The following DCC variants were observed in gnomAD, a reference collection of about 807,000 sequenced individuals.
DCC encodes the protein netrin receptor DCC.
In DCC, 58 loss-of-function variants were observed where a neutral mutation model predicts 172.5. The observed-to-expected ratio is 0.34, with a 90% CI of 0.27 to 0.42. The LOEUF is 0.42. Ranked by LOEUF, DCC falls within the 10% of genes least tolerant of loss-of-function variation. The pLI is 1.00. For synonymous variants in DCC, 709 were observed against 644.5 expected, an observed-to-expected ratio of 1.10 and a Z score of -1.52; for missense variants, 1,740 against 1,791.0, an observed-to-expected ratio of 0.97 and a Z score of 0.51.
At chr18:52,620,652 A>AAATTACTTTT (rs760230078) in intron 1 of DCC, among the ~76,000 whole-genome samples, 6,059 of 152,266 alleles carry the variant, frequency 0.04, 152 homozygotes, top group Non-Finnish European at 0.053. Context: ...CTTTTTAGTT[A>AAATTACTTTT]TAGCAAATGT....
intron 1 of DCC, among the ~76,000 whole-genome samples, chr18:52,538,996 A>G (rs1179185906): frequency 1.3e-5 from 2 of 152,200 alleles, no homozygotes; most frequent in Non-Finnish European, 2.9e-5. Flanking sequence ...GTGAGTAAAA[A>G]TAATAAAATT....
At chr18:52,534,120 A>G in intron 1 of DCC, among the ~76,000 whole-genome samples, 1 of 152,116 alleles carries the variant, frequency 6.6e-6, no homozygotes, top group Non-Finnish European at 1.5e-5. Context: ...ATGGAAAAAT[A>G]TGTTTAGTAG....
chr18:53,231,027 T>G (rs2056114293), intron 12 of DCC, among the ~76,000 whole-genome samples: 1 of 152,050 alleles, frequency 6.6e-6, no homozygotes. Flanking sequence ...GAATGTAGTT[T>G]TGATCTTAGA....
At chr18:52,850,363 A>G (rs751611999) in intron 2 of DCC, among the ~76,000 whole-genome samples, 3 of 152,160 alleles carry the variant, frequency 2.0e-5, no homozygotes, top group Non-Finnish European at 4.4e-5. Flanking sequence ...TCTCAGAAAT[A>G]TATGCATTGA....
At chr18:53,160,548 A>C (rs1418600116) in intron 8 of DCC, among the ~76,000 whole-genome samples, 1 of 151,882 alleles carries the variant, frequency 6.6e-6, no homozygotes, top group Non-Finnish European at 1.5e-5. Flanking sequence ...CTTTCTACCT[A>C]CTCTTTACTT....
intron 1 of DCC, among the ~76,000 whole-genome samples, chr18:52,746,257 A>G (rs1379579370): frequency 6.6e-6 from 1 of 152,180 alleles, no homozygotes; most frequent in Non-Finnish European, 1.5e-5. Context: ...ATGAAGATTC[A>G]CGGATCATCA....
intron 15 of DCC, among the ~76,000 whole-genome samples, chr18:53,352,247 G>A (rs993145216): frequency 1.3e-5 from 2 of 152,094 alleles, no homozygotes; most frequent in Non-Finnish European, 2.9e-5. Context: ...ACAAGTGCCA[G>A]AGTTTAATCA....
intron 12 of DCC, among the ~76,000 whole-genome samples, chr18:53,257,216 C>T (rs943197985): frequency 6.6e-6 from 1 of 152,132 alleles, no homozygotes; most frequent in African/African-American, 2.4e-5. Context: ...CCTTCTCCTG[C>T]CTGATTGCCC....
intron 2 of DCC, among the ~76,000 whole-genome samples, chr18:52,789,018 T>A (rs540872837): frequency 2.0e-5 from 3 of 151,984 alleles, no homozygotes; most frequent in Admixed American, 1.3e-4. Context: ...ACCAAGAGTA[T>A]GCTTCTCTGA....
At chr18:52,441,672 T>A (rs1317081184) in intron 1 of DCC, among the ~76,000 whole-genome samples, 1 of 152,188 alleles carries the variant, frequency 6.6e-6, no homozygotes, top group African/African-American at 2.4e-5. Flanking sequence ...TAAGGTTTGA[T>A]TTGATTACTG....
chr18:53,067,311 A>G (rs965880535), intron 7 of DCC, among the ~76,000 whole-genome samples: 16 of 152,116 alleles, frequency 1.1e-4, no homozygotes, highest in Admixed American at 3.3e-4. Context: ...GCTTGAGACC[A>G]GGAATTTGAG....
chr18:52,451,472 C>A (rs1988302554), intron 1 of DCC, among the ~76,000 whole-genome samples: 1 of 152,140 alleles, frequency 6.6e-6, no homozygotes. Context: ...CCCCAGAAAG[C>A]CTCACTGTGT....
At chr18:52,494,179 GAAA>G (rs2030644038) in intron 1 of DCC, among the ~76,000 whole-genome samples, 1 of 151,880 alleles carries the variant, frequency 6.6e-6, no homozygotes, top group South Asian at 2.1e-4. Flanking sequence ...TCTCCTTTGA[GAAA>G]AATGCCTGTT....
chr18:52,868,903 C>G (rs1201473795), intron 2 of DCC, among the ~76,000 whole-genome samples: 1 of 152,206 alleles, frequency 6.6e-6, no homozygotes, highest in Non-Finnish European at 1.5e-5. Flanking sequence ...AGCATGGGCA[C>G]CGGTACTCTG....
intron 1 of DCC, among the ~76,000 whole-genome samples, chr18:52,602,991 T>C (rs953694519): frequency 6.6e-6 from 1 of 152,020 alleles, no homozygotes; most frequent in Non-Finnish European, 1.5e-5. Flanking sequence ...AAAAGACACA[T>C]TTATGTTGAC....
intron 15 of DCC, among the ~76,000 whole-genome samples, chr18:53,367,104 G>A (rs1405660289): frequency 6.6e-6 from 1 of 152,136 alleles, no homozygotes; most frequent in African/African-American, 2.4e-5. Context: ...GGACAAGTAT[G>A]TGAAGATTCA....
At position 52,642,016 on chromosome 18, in the gene DCC, A is replaced by ATGTG. The variant is rs1339129882; in HGVS notation, c.92-110037_92-110036insGTGT. 2.0e-3 allele frequency among the ~76,000 whole-genome samples: 78 copies of ATGTG among 38,588 alleles called. 1 individual carries two copies. The highest frequency in any genetic ancestry group is 6.9e-3 in the African/African-American group (73 of 10,536). The allele number at this position is 38,588 out of a possible 152,430, so 25.3% of individuals were successfully genotyped here. On this transcript the variant is annotated intron_variant, in intron 1 of 28. Transcript: ENST00000442544. ...TAAAGAAACTGTGGTGTGTGTGTGT[A>ATGTG]TATATATATATATATATATATATAT...
At chr18:52,798,940 G>A (rs1445674068) in intron 2 of DCC, among the ~76,000 whole-genome samples, 1 of 151,788 alleles carries the variant, frequency 6.6e-6, no homozygotes, top group Admixed American at 6.6e-5. Context: ...GTAGAGATGA[G>A]GTTTCACTAT....
At chr18:52,800,720 C>T (rs1429295004) in intron 2 of DCC, among the ~76,000 whole-genome samples, 2 of 152,142 alleles carry the variant, frequency 1.3e-5, no homozygotes, top group South Asian at 2.1e-4. Flanking sequence ...TTCATAAGTA[C>T]AATTGGTTCC....
Sources: gnomAD v4.1 joint callset for allele counts (sites outside exome capture counted in the v4.1 genomes callset) on GRCh38, gnomAD v4.1.1 for gene constraint, MANE v1.5 for transcripts, NCBI Gene and HGNC (gene_info 2026-07-23, HGNC 2026-07-21) for gene names.